Variants in PDE6D observed in about 807,000 individuals in gnomAD.
PDE6D encodes phosphodiesterase 6D.
Under a neutral mutation model 21.9 loss-of-function variants are expected in PDE6D, and 10 were observed. The ratio of observed to expected loss-of-function variants is 0.46; its 90% CI spans 0.28 to 0.78. The LOEUF (loss-of-function observed/expected upper bound fraction) is 0.78, where lower values mean the gene tolerates loss of function less well. Among genes scored for constraint, PDE6D ranks in the 30% least tolerant of loss-of-function variants. PDE6D has a pLI of 0.12. For missense variants in PDE6D, 139 were observed against 184.8 expected (o/e 0.75, Z 1.44); for synonymous variants, 59 against 63.5 (o/e 0.93, Z 0.34).
chr2:231,767,501 C>T (rs2048980747), intron 1 of PDE6D, among the ~76,000 whole-genome samples: 1 of 151,844 alleles, frequency 6.6e-6, no homozygotes, highest in Non-Finnish European at 1.5e-5. Flanking sequence ...GTTTTTAGCA[C>T]AGACAGGGTT....
At chr2:231,763,365 A>G (rs957926175) in intron 1 of PDE6D, among the ~76,000 whole-genome samples, 1 of 152,046 alleles carries the variant, frequency 6.6e-6, no homozygotes, top group Non-Finnish European at 1.5e-5. Flanking sequence ...TTCCTTGCCT[A>G]CTACTATAAT....
Position 231,781,110 on chromosome 2 carries a change from G to A in PDE6D, c.5C>T (p.Ser2Leu), listed in dbSNP as rs767975806. 1.2e-6 allele frequency: 2 copies of A among 1,613,196 alleles called. No homozygotes were observed. The highest frequency in any genetic ancestry group is 2.7e-5 in the African/African-American group (2 of 74,850). Residue 2 changes from serine (S) to leucine (L), a missense_variant, in exon 1 of 5, where the codon TCA becomes TTA. Transcript: ENST00000287600. M[S>L]AKDERAREIL... ...CTCCCTGGCCCGCTCGTCCTTGGCT[G>A]ACATGATGCGGCGGTCGCCGCCCGC...
chr2:231,743,444 A>G (rs1262184599), intron 1 of PDE6D, among the ~76,000 whole-genome samples: 3 of 151,996 alleles, frequency 2.0e-5, no homozygotes, highest in East Asian at 3.9e-4. Flanking sequence ...AAAAAAAAAA[A>G]AAAAAGAAAA....
intron 1 of PDE6D, among the ~76,000 whole-genome samples, chr2:231,743,584 C>T (rs2570991): frequency 0.33 from 50,689 of 151,910 alleles, 8,903 homozygotes; most frequent in African/African-American, 0.44. Context: ...ATCACATTGG[C>T]TGTGTCATTC....
At chr2:231,769,524 T>C (rs2048998588) in intron 1 of PDE6D, among the ~76,000 whole-genome samples, 1 of 151,586 alleles carries the variant, frequency 6.6e-6, no homozygotes, top group Non-Finnish European at 1.5e-5. Flanking sequence ...TCTCTCTCTC[T>C]CTCTCACACA....
chr2:231,739,118 G>A lies in PDE6D; in HGVS notation c.121C>T (p.Pro41Ser), dbSNP rs771028029. 1 of 1,611,438 alleles carries A rather than the reference G, an allele frequency of 6.2e-7. No individual in the cohort carries two copies. The highest frequency in any genetic ancestry group is 1.7e-5 in the Admixed American group (1 of 59,984). The part of the protein sequence containing the change: ...LWQGTEDLSV[P>S]GVEHEARVPK... ...AAAGTACCTTCATGCTCCACACCAG[G>A]GACAGACAGGTCTTCTGTTCCTTGC... The change falls in exon 2 of 5, where the codon CCT becomes TCT. Residue 41 changes from proline to serine, a missense_variant. Transcript: ENST00000287600. This position sits in a 1 kb window ranked among gnomAD's most constrained non-coding sequence, Gnocchi z 4.2.
In PDE6D at chr2:231,737,222, T is replaced by G. The variant is rs763278125; in HGVS notation, c.336A>C (p.Ala112=). Residue 112 remains alanine (A), a synonymous_variant, in exon 4 of 5, where the codon GCA becomes GCC. Coordinates refer to ENST00000287600, the MANE Select transcript of PDE6D (RefSeq NM_002601.4). ...TNTWQSLIEA[A]PESQMMPASV... ...TTGCTGGCATCATCTGGGACTCGGGTGCTGCCTCTATCAAGGACTGCCAGG... is the reference window on the plus strand; with the variant it reads ...TTGCTGGCATCATCTGGGACTCGGGGGCTGCCTCTATCAAGGACTGCCAGG... 6.2e-7 allele frequency: 1 copy of G among 1,612,386 alleles called. No homozygotes were observed. Among genetic ancestry groups the G allele is most frequent in the Non-Finnish European group, 8.5e-7 (1 of 1,178,444 alleles).
intron 1 of PDE6D, among the ~76,000 whole-genome samples, chr2:231,780,366 G>C (rs115411880): frequency 0.033 from 5,025 of 152,194 alleles, 113 homozygotes; most frequent in Non-Finnish European, 0.052. Context: ...CATCTTGCTG[G>C]AAAGAAAACT....
intron 1 of PDE6D, among the ~76,000 whole-genome samples, chr2:231,763,122 A>G (rs913679220): frequency 6.6e-6 from 1 of 152,218 alleles, no homozygotes; most frequent in African/African-American, 2.4e-5. Flanking sequence ...TTGTGCAGTC[A>G]TTTAGAGCAA....
intron 1 of PDE6D, chr2:231,779,636 T>C (rs1199418957): frequency 1.3e-5 from 2 of 152,250 alleles, no homozygotes; most frequent in African/African-American, 4.8e-5. Context: ...TGATCCATTA[T>C]GGAGAGAAAC....
chr2:231,738,880 C>T (rs1163042888), intron 2 of PDE6D, among the ~76,000 whole-genome samples: 1 of 135,198 alleles, frequency 7.4e-6, no homozygotes, highest in African/African-American at 2.9e-5. Context: ...CACACCACTG[C>T]ATTCCATCCA....
chr2:231,768,053 C>T (rs2048986457), intron 1 of PDE6D, among the ~76,000 whole-genome samples: 2 of 151,954 alleles, frequency 1.3e-5, no homozygotes, highest in African/African-American at 4.8e-5. Flanking sequence ...ACCATGTTCC[C>T]AGGCTGGTCT....
chr2:231,773,490 C>T (rs1028718164), intron 1 of PDE6D, among the ~76,000 whole-genome samples: 18 of 152,306 alleles, frequency 1.2e-4, no homozygotes, highest in East Asian at 1.9e-4. Flanking sequence ...CCAGGGAATA[C>T]TGACTTTCAA....
At chr2:231,766,993 C>CAAAAAAA (rs3038045) in intron 1 of PDE6D, among the ~76,000 whole-genome samples, 2 of 36,682 alleles carry the variant, frequency 5.5e-5, no homozygotes, top group Admixed American at 3.4e-4. Context: ...GACTCCGTCT[C>CAAAAAAA]AAAAAAAAAA....
intron 1 of PDE6D, among the ~76,000 whole-genome samples, chr2:231,775,234 G>A (rs373247542): frequency 6.6e-5 from 10 of 151,620 alleles, no homozygotes; most frequent in East Asian, 2.0e-4. Context: ...TTTTATTTTC[G>A]TACAGTGCCA....
intron 1 of PDE6D, among the ~76,000 whole-genome samples, chr2:231,763,095 T>C (rs1038561078): frequency 6.6e-6 from 1 of 152,196 alleles, no homozygotes; most frequent in Non-Finnish European, 1.5e-5. Flanking sequence ...CAAGTTTAAA[T>C]AAATAGGTTG....
rs940043894 is a variant in PDE6D, at chr2:231,739,146, G to C, written c.93C>G (p.Leu31=). 6.2e-7 allele frequency: 1 copy of C among 1,613,318 alleles called. No individual in the cohort carries two copies. The highest frequency in any genetic ancestry group is 2.2e-5 in the East Asian group (1 of 44,862). Reference sequence around the variant, plus strand: ...CAGACAGGTCTTCTGTTCCTTGCCAGAGTATCTTCCCTGTCTCAGCATCCC... The same window carrying C: ...CAGACAGGTCTTCTGTTCCTTGCCACAGTATCTTCCCTGTCTCAGCATCCC... The part of the protein sequence containing the change: ...NLRDAETGKI[L]WQGTEDLSVP... Residue 31 remains leucine (L), a synonymous_variant, in exon 2 of 5, where the codon CTC becomes CTG. Transcript: ENST00000287600. The surrounding 1 kb of genome is among the most constrained non-coding windows in gnomAD (Gnocchi z 4.2).
At chr2:231,749,174 C>A (rs2048817941) in intron 1 of PDE6D, among the ~76,000 whole-genome samples, 1 of 152,180 alleles carries the variant, frequency 6.6e-6, no homozygotes, top group African/African-American at 2.4e-5. Flanking sequence ...TGAAAGCAGG[C>A]AGGAGGGAGG....
chr2:231,737,485 G>T, intron 3 of PDE6D, 193 bp from the exon 4 acceptor site: 1 of 503,730 alleles, frequency 2.0e-6, no homozygotes, highest in Admixed American at 3.5e-5. Flanking sequence ...CACACCAAAG[G>T]CTTGCTTCTC....
Sources: allele counts gnomAD v4.1 joint callset (sites outside exome capture counted in the v4.1 genomes callset), GRCh38; gene constraint gnomAD v4.1.1; non-coding constraint Gnocchi (gnomAD v3.1); transcripts MANE v1.5; gene names NCBI Gene and HGNC (gene_info 2026-07-23, HGNC 2026-07-21).